The following ZMAT5 variants were observed in gnomAD, a reference collection of about 807,000 sequenced individuals.
The protein encoded by ZMAT5 is zinc finger matrin-type 5, also known as zinc finger matrin-type protein 5.
A neutral mutation model predicts 28.0 loss-of-function variants in ZMAT5; 23 were observed. That is an observed-to-expected ratio of 0.82 (90% CI 0.59 to 1.16). The LOEUF (loss-of-function observed/expected upper bound fraction) is 1.16. Among genes scored for constraint, ZMAT5 ranks in the 50% most tolerant of loss-of-function variants. The probability of loss-of-function intolerance (pLI) is 0.00; values close to 1 mark genes in which losing one functional copy is unlikely to be tolerated. For missense variants in ZMAT5, 173 were observed against 212.7 expected, an observed-to-expected ratio of 0.81 and a Z score of 1.16; for synonymous variants, 76 against 84.1, an observed-to-expected ratio of 0.90 and a Z score of 0.52.
intron 1 of ZMAT5, among the ~76,000 whole-genome samples, chr22:29,754,163 G>T (rs941826961): frequency 6.6e-6 from 1 of 152,150 alleles, no homozygotes; most frequent in East Asian, 1.9e-4. Context: ...CCATCATGGG[G>T]TGCTGACTAA....
At chr22:29,733,137 A>G (rs1340972390) in intron 5 of ZMAT5, among the ~76,000 whole-genome samples, 3 of 152,206 alleles carry the variant, frequency 2.0e-5, no homozygotes, top group African/African-American at 7.2e-5. Flanking sequence ...GGCCTGGAAT[A>G]CCAGCCCCAC....
intron 5 of ZMAT5, among the ~76,000 whole-genome samples, chr22:29,736,943 C>A (rs1411615448): frequency 6.6e-6 from 1 of 150,454 alleles, no homozygotes; most frequent in Non-Finnish European, 1.5e-5. Flanking sequence ...AGGAGAATGG[C>A]GTGAACCCCA....
intron 1 of ZMAT5, among the ~76,000 whole-genome samples, chr22:29,759,262 G>T (rs131279): frequency 6.6e-6 from 1 of 151,828 alleles, no homozygotes. Context: ...TCTGCCTCCC[G>T]CTTCTTCTCT....
chr22:29,731,258 C>T lies in ZMAT5; in HGVS notation c.480G>A (p.Gly160=), dbSNP rs2067839461. 1 of 1,514,512 alleles carries T rather than the reference C, an allele frequency of 6.6e-7. No individual in the cohort carries two copies. Among genetic ancestry groups the T allele is most frequent in the East Asian group, 2.7e-5 (1 of 37,690 alleles). 93.8% of individuals were successfully genotyped at this position (1,514,512 alleles called of 1,614,324 possible). Residue 160 remains glycine (G), a synonymous_variant, in exon 6 of 6, where the codon GGG becomes GGA. Transcript: ENST00000344318. ...PPSLRAPPPG[G]WPLQPRVQWG is the part of the protein sequence containing the mutation. ...ACTGGACTCTGGGCTGCAGAGGCCA[C>T]CCCCCAGGTGGGGGTGCCCGCAGGG...
chr22:29,766,033 G>T (rs760558711), intron 1 of ZMAT5, among the ~76,000 whole-genome samples: 3 of 152,090 alleles, frequency 2.0e-5, no homozygotes, highest in Non-Finnish European at 4.4e-5. Context: ...ACTAGAAAAA[G>T]ACAAGACTCC....
chr22:29,744,908 G>A (rs1169678361), intron 2 of ZMAT5, among the ~76,000 whole-genome samples: 1 of 152,238 alleles, frequency 6.6e-6, no homozygotes, highest in African/African-American at 2.4e-5. Flanking sequence ...CTCTTGCAGT[G>A]GGTATTCAAG....
At chr22:29,759,261 C>T (rs1043626139) in intron 1 of ZMAT5, among the ~76,000 whole-genome samples, 6 of 152,236 alleles carry the variant, frequency 3.9e-5, no homozygotes, top group South Asian at 2.1e-4. Context: ...CTCTGCCTCC[C>T]GCTTCTTCTC....
At chr22:29,749,136 G>C (rs1489411912) in intron 1 of ZMAT5, among the ~76,000 whole-genome samples, 2 of 152,082 alleles carry the variant, frequency 1.3e-5, no homozygotes, top group African/African-American at 4.8e-5. Flanking sequence ...GGAGTGCAGT[G>C]GTGTGATCAC....
chr22:29,738,146 C>T (rs1239641420), intron 5 of ZMAT5, among the ~76,000 whole-genome samples, 184 bp downstream of exon 5: 2 of 152,152 alleles, frequency 1.3e-5, no homozygotes, highest in Non-Finnish European at 2.9e-5. Context: ...CTCTTTCAAA[C>T]ACCCCTCAGC....
chr22:29,732,460 G>A (rs369452136), intron 5 of ZMAT5, among the ~76,000 whole-genome samples: 5 of 152,268 alleles, frequency 3.3e-5, no homozygotes, highest in South Asian at 2.1e-4. Context: ...CACATTGGCC[G>A]GGCGCAGTGA....
intron 1 of ZMAT5, among the ~76,000 whole-genome samples, chr22:29,752,593 C>A (rs1393126591): frequency 6.6e-6 from 1 of 152,192 alleles, no homozygotes; most frequent in East Asian, 1.9e-4. Context: ...CAGCCACTTG[C>A]CCTCTCTGGG....
chr22:29,742,477 G>A lies in ZMAT5; in HGVS notation c.131C>T (p.Ala44Val), dbSNP rs774300295. Residue 44 changes from alanine to valine, a missense_variant, in exon 3 of 6, where the codon GCA (alanine) becomes GTA (valine). Coordinates refer to ENST00000344318, the MANE Select transcript of ZMAT5 (RefSeq NM_001003692.2). ...KKVWYDMFRD[A>V]AAILLDEQNK... The stretch of plus-strand genomic sequence containing the variant: ...CTGCTCATCCAGCAAGATGGCAGCT[G>A]CATCTGCGAGAGAAGAGAGGGACGG... 1 of 1,612,512 alleles carries A rather than the reference G, an allele frequency of 6.2e-7. No homozygotes were observed. Among genetic ancestry groups the A allele is most frequent in the Non-Finnish European group, 8.5e-7 (1 of 1,179,874 alleles).
chr22:29,757,666 A>G (rs131272), intron 1 of ZMAT5, among the ~76,000 whole-genome samples: 63,576 of 152,000 alleles, frequency 0.42, 13,921 homozygotes, highest in East Asian at 0.6. Flanking sequence ...GGGTTGGTCT[A>G]TGTGACCAAG....
Position 29,738,402 on chromosome 22 carries a change from T to C in ZMAT5, c.311A>G (p.Glu104Gly), listed in dbSNP as rs954550326. 1 of 1,609,802 alleles carries C rather than the reference T, an allele frequency of 6.2e-7. No homozygotes were observed. Among genetic ancestry groups the C allele is most frequent in the Admixed American group, 1.7e-5 (1 of 59,724 alleles). The change falls in exon 5 of 6, where the codon GAG (glutamate) becomes GGG (glycine). Residue 104 changes from glutamate to glycine, a missense_variant. Physicochemically the swap from Glu to Gly is moderately conservative, Grantham distance 98 (BLOSUM62 -2). Transcript: ENST00000344318. ...RAREWLLDAP[E>G]LPEGHLEDWL... is the part of the protein sequence containing the mutation. ...GTCCTCCAGATGGCCCTCGGGGAGC[T>C]CAGGAGCATCTAGTAGCCACTCCCT...
Position 29,766,899 on chromosome 22 carries a change from T to A in ZMAT5, c.-55A>T, listed in dbSNP as rs980572692. On this transcript the variant is annotated 5_prime_UTR_variant, in exon 1 of 6. Coordinates refer to ENST00000344318, the MANE Select transcript of ZMAT5 (RefSeq NM_001003692.2). ...AGAAGGAAGTGTTCAAGTCTTCCAG[T>A]GCGGAGAAAAGAGACTAGGACTCGC... 1 of 154,484 alleles carries A rather than the reference T, an allele frequency of 6.5e-6. No individual in the cohort carries two copies. Among genetic ancestry groups the A allele is most frequent in the African/African-American group, 2.4e-5 (1 of 41,456 alleles). The allele number at this position is 154,484 out of a possible 1,614,324, so 9.6% of individuals were successfully genotyped here.
chr22:29,742,787 T>G (rs568235787), intron 2 of ZMAT5, among the ~76,000 whole-genome samples: 17 of 152,122 alleles, frequency 1.1e-4, no homozygotes, highest in African/African-American at 4.1e-4. Flanking sequence ...TCTGGGGACT[T>G]TGGGTTTTTT....
chr22:29,747,916 A>C (rs990815286), intron 2 of ZMAT5: 3 of 219,818 alleles, frequency 1.4e-5, no homozygotes, highest in East Asian at 2.2e-4. Context: ...ACGGCAGCTA[A>C]AGCCCTTCAA....
chr22:29,760,462 C>G (rs138941984), intron 1 of ZMAT5, among the ~76,000 whole-genome samples: 365 of 151,960 alleles, frequency 2.4e-3, no homozygotes, highest in Non-Finnish European at 2.9e-3. Context: ...GAGATTGAAC[C>G]CAGGAGGTGA....
intron 2 of ZMAT5, chr22:29,746,433 AGCCACGGAGTCTG>A (rs2068009582): frequency 6.6e-6 from 1 of 152,230 alleles, no homozygotes; most frequent in African/African-American, 2.4e-5. Flanking sequence ...TACAGGCATG[AGCCACGGAGTCTG>A]GCCAAATTTT....
Sources: allele counts gnomAD v4.1 joint callset (sites outside exome capture counted in the v4.1 genomes callset), GRCh38; gene constraint gnomAD v4.1.1; transcripts MANE v1.5; gene names NCBI Gene and HGNC (gene_info 2026-07-23, HGNC 2026-07-21).